Variants in PLPPR5 observed in about 807,000 individuals in gnomAD.
PLPPR5 encodes phospholipid phosphatase related 5, also known as phospholipid phosphatase-related protein type 5.
Under a neutral mutation model 33.9 loss-of-function variants are expected in PLPPR5, and 16 were observed. The observed-to-expected ratio is 0.47, with a 90% CI of 0.32 to 0.72. The LOEUF is 0.72. Among genes scored for constraint, PLPPR5 ranks in the 30% least tolerant of loss-of-function variants. The probability of loss-of-function intolerance (pLI) is 0.03; values close to 1 mark genes in which losing one functional copy is unlikely to be tolerated. For missense variants in PLPPR5, 301 were observed against 406.7 expected (o/e 0.74, Z 2.23); for synonymous variants, 163 against 150.3 (o/e 1.08, Z -0.62).
At chr1:98,954,612 A>C (rs1187064655) in intron 2 of PLPPR5, among the ~76,000 whole-genome samples, 2 of 152,072 alleles carry the variant, frequency 1.3e-5, no homozygotes, top group African/African-American at 4.8e-5. Flanking sequence ...ACACAGCAAA[A>C]CTCTATGTGT....
chr1:98,978,489 C>T (rs1430852271), intron 1 of PLPPR5, among the ~76,000 whole-genome samples: 1 of 151,990 alleles, frequency 6.6e-6, no homozygotes, highest in Non-Finnish European at 1.5e-5. Flanking sequence ...ATAAAACAGA[C>T]TAAGTAGAAG....
intron 2 of PLPPR5, among the ~76,000 whole-genome samples, chr1:98,955,715 T>G (rs1375314118): frequency 1.3e-5 from 2 of 152,172 alleles, no homozygotes; most frequent in East Asian, 3.9e-4. Context: ...TCCTGAATCC[T>G]TCAATATGAG....
intron 3 of PLPPR5, among the ~76,000 whole-genome samples, chr1:98,923,779 A>G (rs1458715457): frequency 2.0e-5 from 3 of 152,312 alleles, no homozygotes; most frequent in Admixed American, 2.0e-4. Flanking sequence ...GTAAGTATAC[A>G]TGAGAGGGGA....
chr1:98,950,216 T>C (rs1650727312), intron 3 of PLPPR5, among the ~76,000 whole-genome samples: 1 of 152,050 alleles, frequency 6.6e-6, no homozygotes, highest in South Asian at 2.1e-4. Context: ...TAAAATAATA[T>C]CACGTACTTT....
At chr1:98,911,744 T>C (rs762613393) in intron 5 of PLPPR5, among the ~76,000 whole-genome samples, 2 of 152,078 alleles carry the variant, frequency 1.3e-5, no homozygotes, top group Non-Finnish European at 1.5e-5. Flanking sequence ...CTTCCTATAT[T>C]TCACAACCCT....
intron 5 of PLPPR5, among the ~76,000 whole-genome samples, chr1:98,903,235 TAAATATGAACATATTTAGTTCC>T (rs762853401): frequency 5.6e-4 from 86 of 152,268 alleles, no homozygotes; most frequent in Non-Finnish European, 1.0e-3. Context: ...GAAAAATGCC[TAAATATGAACATATTTAGTTCC>T]ACTAACTATT....
intron 3 of PLPPR5, among the ~76,000 whole-genome samples, chr1:98,947,601 T>C (rs1425156273): frequency 1.3e-5 from 2 of 152,196 alleles, no homozygotes; most frequent in Admixed American, 1.3e-4. Context: ...AAAAAGTGTT[T>C]TAAAGATTTT....
intron 1 of PLPPR5, among the ~76,000 whole-genome samples, chr1:99,003,079 A>ATATT (rs1652926579): frequency 7.3e-6 from 1 of 137,478 alleles, no homozygotes; most frequent in Non-Finnish European, 1.6e-5. Context: ...ATATATATAT[A>ATATT]TATATATATA....
chr1:98,917,264 A>G (rs1649390738), intron 4 of PLPPR5, among the ~76,000 whole-genome samples: 1 of 152,176 alleles, frequency 6.6e-6, no homozygotes, highest in South Asian at 2.1e-4. Context: ...CTTTCCAAAT[A>G]TCTTGGTACC....
rs1344454091 is a variant in PLPPR5, at chr1:99,004,813, C to T, written c.-142G>A. 3 of 383,164 alleles carry T rather than the reference C, an allele frequency of 7.8e-6. No homozygotes were observed. Among genetic ancestry groups the T allele is most frequent in the Non-Finnish European group, 1.3e-5 (3 of 235,816 alleles). The allele number at this position is 383,164 out of a possible 1,614,324, so 23.7% of individuals were successfully genotyped here. ...AGGCACGGGAGGCGGGATGGAGCCG[C>T]TGGAGGAAGAGGCGGAGGCAGGTCC... On this transcript the variant is annotated 5_prime_UTR_variant, in exon 1 of 6. Coordinates refer to ENST00000263177, the MANE Select transcript of PLPPR5 (RefSeq NM_001037317.2).
At chr1:98,998,111 GAGAAAGGGAAAA>G (rs1422615013) in intron 1 of PLPPR5, among the ~76,000 whole-genome samples, 2 of 151,990 alleles carry the variant, frequency 1.3e-5, no homozygotes, top group Non-Finnish European at 2.9e-5. Flanking sequence ...GGAATGAAGA[GAGAAAGGGAAAA>G]AGAAAGGGAG....
intron 3 of PLPPR5, among the ~76,000 whole-genome samples, chr1:98,937,478 CCTGGTTCACTGGAACA>C (rs557055512): frequency 1.1e-3 from 174 of 152,236 alleles, no homozygotes; most frequent in African/African-American, 3.7e-3. Flanking sequence ...CACATTTCTG[CCTGGTTCACTGGAACA>C]CTGGTGCTTG....
At position 98,993,570 on chromosome 1, in the gene PLPPR5, T is replaced by C. The variant is rs924068543; in HGVS notation, c.237+10865A>G. On this transcript the variant is annotated intron_variant, in intron 1 of 5. Transcript: ENST00000263177. ...AAGACACATGTGAAGGAAGAGGACATTGTCACCAACCCAAAAATACTGTCT... is the reference window on the plus strand; with the variant it reads ...AAGACACATGTGAAGGAAGAGGACACTGTCACCAACCCAAAAATACTGTCT... Among the ~76,000 whole-genome samples the C allele has an allele frequency of 3.9e-5, 6 of 152,020 alleles. 1 individual carries two copies. The highest frequency in any genetic ancestry group is 2.0e-4 in the Admixed American group (3 of 15,224).
At chr1:99,001,675 T>TATATATATAC (rs1557699479) in intron 1 of PLPPR5, among the ~76,000 whole-genome samples, 11 of 55,958 alleles carry the variant, frequency 2.0e-4, no homozygotes, top group African/African-American at 4.7e-4. Flanking sequence ...GTTAAAGATA[T>TATATATATAC]ATATATATAT....
At chr1:99,003,453 T>TCA (rs1476282392) in intron 1 of PLPPR5, among the ~76,000 whole-genome samples, 2 of 151,972 alleles carry the variant, frequency 1.3e-5, no homozygotes, top group African/African-American at 4.8e-5. Flanking sequence ...AGAGCGCGCA[T>TCA]CACAGGAAGG....
At chr1:98,953,036 A>C (rs764600225) in intron 3 of PLPPR5, 34 bp downstream of exon 3, 1 of 1,608,002 alleles carries the variant, frequency 6.2e-7, no homozygotes, top group Non-Finnish European at 8.5e-7. Flanking sequence ...ACAATAATAC[A>C]GACTAAGACA....
In PLPPR5 at chr1:98,900,278, C is replaced by T. The variant is rs186044358; in HGVS notation, c.934-7174G>A. ...CCCTTATCTTGCCTGCTAAACAAAACCGTTGCGTGAGCTGGATTCTCCAGC... is the reference window on the plus strand; with the variant it reads ...CCCTTATCTTGCCTGCTAAACAAAATCGTTGCGTGAGCTGGATTCTCCAGC... On this transcript the variant is annotated intron_variant, in intron 5 of 5. Coordinates refer to ENST00000263177, the MANE Select transcript of PLPPR5 (RefSeq NM_001037317.2). 2.0e-3 allele frequency among the ~76,000 whole-genome samples: 304 copies of T among 152,208 alleles called. 2 individuals are homozygous for T. The Middle Eastern group carries it at 0.024, about 12-fold the overall frequency.
At chr1:98,907,622 C>T (rs1476517188) in intron 5 of PLPPR5, among the ~76,000 whole-genome samples, 1 of 152,136 alleles carries the variant, frequency 6.6e-6, no homozygotes, top group Non-Finnish European at 1.5e-5. Context: ...ACAGATTTAG[C>T]TCAGTTGATT....
chr1:98,929,884 T>C (rs977427531), intron 3 of PLPPR5, among the ~76,000 whole-genome samples: 1 of 152,226 alleles, frequency 6.6e-6, no homozygotes, highest in African/African-American at 2.4e-5. Flanking sequence ...TTGTTTTCCA[T>C]ACACCAGATA....
Sources: gnomAD v4.1 joint callset for allele counts (sites outside exome capture counted in the v4.1 genomes callset) on GRCh38, gnomAD v4.1.1 for gene constraint, MANE v1.5 for transcripts, NCBI Gene and HGNC (gene_info 2026-07-23, HGNC 2026-07-21) for gene names.